The following EIF4A1 variants were observed in gnomAD, a reference collection of about 807,000 sequenced individuals.
The protein encoded by EIF4A1 is eukaryotic initiation factor 4A-I.
Under a neutral mutation model 53.5 loss-of-function variants are expected in EIF4A1, and 11 were observed. That is an observed-to-expected ratio of 0.21 (90% CI 0.13 to 0.34). The LOEUF (loss-of-function observed/expected upper bound fraction) is 0.34, where lower values mean the gene tolerates loss of function less well. Ranked by LOEUF, EIF4A1 falls within the 10% of genes least tolerant of loss-of-function variation. The pLI, the probability that EIF4A1 is intolerant of heterozygous loss-of-function variation, is 1.00. For synonymous variants in EIF4A1, 237 were observed against 186.7 expected (o/e 1.27, Z -2.20); for missense variants, 213 against 530.8 (o/e 0.40, Z 5.88).
Position 7,577,364 on chromosome 17 carries a change from A to T in EIF4A1, c.645A>T (p.Thr215=), listed in dbSNP as rs1275817535. ...SNTQVVLLSA[T]MPSDVLEVTK... is the part of the protein sequence containing the mutation. ...ACTAGGTAGTTTTGCTGTCAGCCAC[A>T]ATGCCTTCTGATGTGCTTGAGGTGA... Residue 215 remains threonine (T), a synonymous_variant, in exon 7 of 11, where the codon ACA becomes ACT. Coordinates refer to ENST00000293831, the MANE Select transcript of EIF4A1 (RefSeq NM_001416.4). The surrounding 1 kb of genome is among the most constrained non-coding windows in gnomAD (Gnocchi z 4.7). The T allele has an allele frequency of 6.2e-7, 1 of 1,614,034 alleles. No individual in the cohort carries two copies. Among genetic ancestry groups the T allele is most frequent in the East Asian group, 2.2e-5 (1 of 44,872 alleles).
In EIF4A1 at chr17:7,572,853, C is replaced by A. The variant is rs200951325; in HGVS notation, c.12C>A (p.Ser4Arg). The change falls in exon 1 of 11, where the codon AGC becomes AGA. Residue 4 changes from serine to arginine, a missense_variant. By Grantham distance (110) the Ser-to-Arg change is moderately radical. This residue lies in a region of EIF4A1 where 53 missense variants were observed against 34.0 expected (regional missense o/e 1.56). Transcript: ENST00000293831. Reference sequence around the variant, plus strand: ...AGTTTCTAAGGATCATGTCTGCGAGCCAGGATTCCCGGTAAGAAAGGCATT... The same window carrying A: ...AGTTTCTAAGGATCATGTCTGCGAGACAGGATTCCCGGTAAGAAAGGCATT... Reference protein sequence around the residue: MSASQDSRSRDNGP... With the variant: MSARQDSRSRDNGP... 2 of 1,614,170 alleles carry A rather than the reference C, an allele frequency of 1.2e-6. No individual in the cohort carries two copies. Among genetic ancestry groups the A allele is most frequent in the East Asian group, 2.2e-5 (1 of 44,878 alleles).
Position 7,578,490 on chromosome 17 carries a change from G to A in EIF4A1, c.*4G>A, listed in dbSNP as rs777134562. The A allele has an allele frequency of 1.9e-6, 3 of 1,582,702 alleles. No homozygotes were observed. Among genetic ancestry groups the A allele is most frequent in the Non-Finnish European group, 2.6e-6 (3 of 1,161,896 alleles). On this transcript the variant is annotated 3_prime_UTR_variant, in exon 11 of 11. Transcript: ENST00000293831. ...CAATGTTGCTGACCTCATCTGAGGG[G>A]CTGTCCTGCCACCCAGCCCCAGCCA...
rs754333904 is a variant in EIF4A1, at chr17:7,572,837, G to A, written c.-5G>A. ...GCGGGCACTCCGCCCTAGTTTCTAA[G>A]GATCATGTCTGCGAGCCAGGATTCC... is the stretch of plus-strand genomic sequence containing the variant. On this transcript the variant is annotated 5_prime_UTR_variant, in exon 1 of 11. Transcript: ENST00000293831. The A allele has an allele frequency of 9.3e-6, 15 of 1,614,170 alleles. No homozygotes were observed. The highest frequency in any genetic ancestry group is 1.2e-5 in the Non-Finnish European group (14 of 1,179,970).
chr17:7,574,107 C>T (rs948284334), intron 1 of EIF4A1, 153 bp from the exon 2 acceptor site: 69 of 840,576 alleles, frequency 8.2e-5, no homozygotes, highest in South Asian at 2.0e-4. Flanking sequence ...TATAGAAACT[C>T]CTCCTTTGGG....
intron 10 of EIF4A1, 36 bp downstream of exon 10, chr17:7,578,280 A>G (rs775939955): frequency 6.8e-5 from 109 of 1,613,822 alleles, no homozygotes; most frequent in Non-Finnish European, 8.6e-5. Flanking sequence ...CTACCCCTTC[A>G]CACCTGGCCC....
Position 7,574,655 on chromosome 17 carries a change from G to A in EIF4A1, c.182G>A (p.Arg61Gln). The A allele has an allele frequency of 6.2e-7, 1 of 1,612,386 alleles. No individual in the cohort carries two copies. Among genetic ancestry groups the A allele is most frequent in the Non-Finnish European group, 8.5e-7 (1 of 1,180,036 alleles). The change falls in exon 3 of 11, where the codon CGA becomes CAA. Residue 61 changes from arginine to glutamine, a missense_variant. By Grantham distance (43) the Arg-to-Gln change is conservative (BLOSUM62 1). Around this residue, in one of 4 missense-constraint regions of EIF4A1, gnomAD observed 119 missense variants for 351.0 expected, o/e 0.34. Coordinates refer to ENST00000293831, the MANE Select transcript of EIF4A1 (RefSeq NM_001416.4). ...GAGAAGCCCTCTGCCATCCAGCAGC[G>A]AGCCATTCTACCTTGTATCAAGGGT... ...GFEKPSAIQQ[R>Q]AILPCIKGYD...
intron 1 of EIF4A1, 65 bp from the exon 2 acceptor site, chr17:7,574,195 C>T (rs1203655509): frequency 1.8e-5 from 29 of 1,586,648 alleles, no homozygotes; most frequent in African/African-American, 4.0e-5. Context: ...TGACAGAGCC[C>T]GGCTGTCAGG....
At chr17:7,573,466 G>A (rs1222704243) in intron 1 of EIF4A1, 1 of 155,342 alleles carries the variant, frequency 6.4e-6, no homozygotes, top group African/African-American at 2.4e-5. Flanking sequence ...CGGGCGGGCG[G>A]GTCCATTTTG....
rs146646289 is a variant in EIF4A1, at chr17:7,576,545, C to T, written c.367C>T (p.Leu123=). Residue 123 remains leucine (L), a synonymous_variant, in exon 5 of 11, where the codon CTA becomes TTA. Transcript: ENST00000293831. ...TCAGATACAGAAGGTGGTCATGGCA[C>T]TAGGAGACTACATGGGCGCCTCCTG... ...AQQIQKVVMA[L]GDYMGASCHA... is the part of the protein sequence containing the mutation. The T allele has an allele frequency of 3.7e-6, 6 of 1,604,668 alleles. No homozygotes were observed. The highest frequency in any genetic ancestry group is 5.1e-6 in the Non-Finnish European group (6 of 1,174,988).
At chr17:7,576,845 C>T (rs377613657) in intron 5 of EIF4A1, 153 bp downstream of exon 5, 6 of 1,438,232 alleles carry the variant, frequency 4.2e-6, no homozygotes, top group Admixed American at 1.8e-5. Context: ...TCATCTGAGC[C>T]TCTGGCTTCC....
At chr17:7,574,331 C>T (rs988528690) in intron 2 of EIF4A1, 23 bp downstream of exon 2, 2 of 1,614,168 alleles carry the variant, frequency 1.2e-6, no homozygotes, top group Non-Finnish European at 1.7e-6. Flanking sequence ...AAATGGAATT[C>T]TGTCCTCCCC....
chr17:7,578,699 C>CAA lies in EIF4A1; in HGVS notation c.*213_*214insAA. 1.8e-5 allele frequency: 7 copies of CAA among 378,986 alleles called. No homozygotes were observed. The highest frequency in any genetic ancestry group is 4.5e-5 in the Admixed American group (1 of 22,014). 23.5% of individuals were successfully genotyped at this position (378,986 alleles called of 1,614,324 possible). A position where few individuals can be genotyped will look rare whatever the true frequency, so the allele number is the denominator to read the frequency against. On this transcript the variant is annotated 3_prime_UTR_variant, in exon 11 of 11. Coordinates refer to ENST00000293831, the MANE Select transcript of EIF4A1 (RefSeq NM_001416.4). Reference sequence around the variant, plus strand: ...CTTGCCCCAGGCGCCGGCTCTTCTCCCAAAAAAAAAAAAAAAACACTAATC... The same window carrying CAA: ...CTTGCCCCAGGCGCCGGCTCTTCTCCAACAAAAAAAAAAAAAAAACACTAATC...
At chr17:7,578,003 GT>G (rs1205301006) in intron 9 of EIF4A1, 87 bp downstream of exon 9, 5 of 1,587,108 alleles carry the variant, frequency 3.2e-6, no homozygotes, top group African/African-American at 1.3e-5. Flanking sequence ...TCTCAGGAAA[GT>G]AGCAGCTTGG....
At chr17:7,575,436 C>T (rs759268533) in intron 4 of EIF4A1, 178 bp downstream of exon 4, 35 of 972,538 alleles carry the variant, frequency 3.6e-5, no homozygotes, top group South Asian at 2.6e-4. Context: ...ACCATTGCTT[C>T]CTCCACCCAT....
At chr17:7,572,944 G>A in intron 1 of EIF4A1, 80 bp downstream of exon 1, 1 of 1,613,074 alleles carries the variant, frequency 6.2e-7, no homozygotes, top group Non-Finnish European at 8.5e-7. Context: ...GTAGCTGAGA[G>A]GCCCACCAGG....
intron 1 of EIF4A1, chr17:7,573,323 G>A (rs1415599655): frequency 4.4e-6 from 1 of 228,342 alleles, no homozygotes; most frequent in Non-Finnish European, 8.7e-6. Context: ...CTTAGATCCA[G>A]TCACTTCGTC....
rs897355021 is a variant in EIF4A1, at chr17:7,575,101, C to T, written c.206-18C>T. ...GGTATGCTCTTTACCACATTCAACT[C>T]CTAATTTATTTGTTTAGGTTATGAT... On this transcript the variant is annotated intron_variant, in intron 3 of 10. Coordinates refer to ENST00000293831, the MANE Select transcript of EIF4A1 (RefSeq NM_001416.4). 2.0e-5 allele frequency: 33 copies of T among 1,611,272 alleles called. No homozygotes were observed. The highest frequency in any genetic ancestry group is 6.7e-5 in the African/African-American group (5 of 74,874).
At chr17:7,574,888 G>C (rs746932128) in intron 3 of EIF4A1, 1 of 1,042,338 alleles carries the variant, frequency 9.6e-7, no homozygotes, top group Non-Finnish European at 1.5e-6. Context: ...GCTTATATTT[G>C]CATCTACAGC....
In EIF4A1 at chr17:7,577,984, A is replaced by G. The variant is rs1374399867; in HGVS notation, c.996+68A>G. The G allele has an allele frequency of 2.5e-6, 4 of 1,600,546 alleles. No individual in the cohort carries two copies. In the East Asian group the frequency reaches 6.7e-5, roughly 27 times the overall value. Reference sequence around the variant, plus strand: ...AAGGTGATTCCCTCTCCAAGGGGACATCAGTGCCTCTCAGGAAAGTAGCAG... The same window carrying G: ...AAGGTGATTCCCTCTCCAAGGGGACGTCAGTGCCTCTCAGGAAAGTAGCAG... On this transcript the variant is annotated intron_variant, in intron 9 of 10. Coordinates refer to ENST00000293831, the MANE Select transcript of EIF4A1 (RefSeq NM_001416.4). The surrounding 1 kb of genome is among the most constrained non-coding windows in gnomAD (Gnocchi z 4.7).
Sources: allele counts gnomAD v4.1 joint callset, GRCh38; gene constraint gnomAD v4.1.1; regional missense constraint gnomAD v4.1.1; non-coding constraint Gnocchi (gnomAD v3.1); transcripts MANE v1.5; gene names NCBI Gene and HGNC (gene_info 2026-07-23, HGNC 2026-07-21).